MGRN1: variants seen among roughly 807,000 people sequenced by gnomAD.
MGRN1 encodes the protein E3 ubiquitin-protein ligase MGRN1.
Under a neutral mutation model 69.2 loss-of-function variants are expected in MGRN1, and 29 were observed. That is an observed-to-expected ratio of 0.42 (90% confidence interval 0.31 to 0.57). The LOEUF (loss-of-function observed/expected upper bound fraction) is 0.57, where lower values mean the gene tolerates loss of function less well. Among genes scored for constraint, MGRN1 ranks in the 20% least tolerant of loss-of-function variants. The pLI is 0.15. For missense variants in MGRN1, 998 were observed against 796.2 expected, an observed-to-expected ratio of 1.25 and a Z score of -3.05; for synonymous variants, 470 against 344.2, an observed-to-expected ratio of 1.37 and a Z score of -4.04.
chr16:4,682,716 C>G (rs895525069), intron 13 of MGRN1, 107 bp from the exon 14 acceptor site: 2 of 1,304,494 alleles, frequency 1.5e-6, no homozygotes, highest in Admixed American at 5.6e-5. Flanking sequence ...TGCGTGGGTC[C>G]TGGCAGGCGT....
intron 1 of MGRN1, among the ~76,000 whole-genome samples, chr16:4,632,465 C>G (rs147469348): frequency 1.3e-5 from 2 of 152,024 alleles, no homozygotes; most frequent in African/African-American, 4.8e-5. Flanking sequence ...GCAATCTCTG[C>G]TCACTGCAAG....
intron 16 of MGRN1, chr16:4,686,544 G>A: frequency 7.4e-7 from 1 of 1,356,016 alleles, no homozygotes; most frequent in Non-Finnish European, 9.5e-7. Context: ...TCTGGACTAG[G>A]CGGCCGGTCA....
At chr16:4,665,977 C>G (rs2078795027) in intron 7 of MGRN1, among the ~76,000 whole-genome samples, 1 of 151,864 alleles carries the variant, frequency 6.6e-6, no homozygotes, top group Non-Finnish European at 1.5e-5. Context: ...CTACAGATGC[C>G]CGCCACCATG....
At chr16:4,687,536 C>A in intron 16 of MGRN1, 4 of 979,322 alleles carry the variant, frequency 4.1e-6, no homozygotes, top group Non-Finnish European at 4.8e-6. Context: ...ACACACCCAC[C>A]CACCCACTCC....
intron 9 of MGRN1, chr16:4,672,540 CA>C (rs767636266): frequency 1.1e-5 from 5 of 441,566 alleles, no homozygotes; most frequent in African/African-American, 4.0e-5. Flanking sequence ...TGTTTCATAC[CA>C]GGGGGCGGCC....
intron 1 of MGRN1, among the ~76,000 whole-genome samples, chr16:4,645,929 C>G (rs1019866761): frequency 6.6e-6 from 1 of 152,172 alleles, no homozygotes; most frequent in African/African-American, 2.4e-5. Flanking sequence ...CTAACCAGTG[C>G]TGTGGTTGTA....
Position 4,664,727 on chromosome 16 carries a change from C to G in MGRN1, c.580C>G (p.Arg194Gly), listed in dbSNP as rs762380681. 8.7e-6 allele frequency: 14 copies of G among 1,614,066 alleles called. No individual in the cohort carries two copies. In the South Asian group the frequency reaches 1.5e-4, roughly 18 times the overall value. ...KDDELNFDLD[R>G]GVFPVVIQAV... ...TCCTCAGCTGAACTTTGACCTGGACCGGGGCGTGTTTCCAGTAGTCATCCA... is the reference window on the plus strand; with the variant it reads ...TCCTCAGCTGAACTTTGACCTGGACGGGGGCGTGTTTCCAGTAGTCATCCA... The change falls in exon 6 of 17, where the codon CGG (arginine) becomes GGG (glycine). Residue 194 changes from arginine to glycine, a missense_variant. Coordinates refer to ENST00000262370, the MANE Select transcript of MGRN1 (RefSeq NM_015246.4).
At chr16:4,671,283 C>T in intron 8 of MGRN1, 108 bp from the exon 9 acceptor site, 1 of 1,071,012 alleles carries the variant, frequency 9.3e-7, no homozygotes, top group Non-Finnish European at 1.4e-6. Context: ...GGACTGACCC[C>T]TGGTATGGAA....
chr16:4,668,227 C>G (rs765962004), intron 7 of MGRN1, 38 bp from the exon 8 acceptor site: 2 of 1,605,494 alleles, frequency 1.2e-6, no homozygotes, highest in Admixed American at 1.7e-5. Flanking sequence ...GAGGCGCCAG[C>G]TTGACCACCT....
intron 5 of MGRN1, chr16:4,664,241 T>C: frequency 4.6e-6 from 1 of 217,448 alleles, no homozygotes; most frequent in Non-Finnish European, 9.3e-6. Flanking sequence ...GGGTGAACTT[T>C]GGAAACATAC....
chr16:4,625,855 G>T (rs1194673239), intron 1 of MGRN1, among the ~76,000 whole-genome samples: 6 of 152,228 alleles, frequency 3.9e-5, no homozygotes, highest in African/African-American at 7.2e-5. Context: ...GGAAAGGAGA[G>T]AAGGAAGAGG....
At chr16:4,657,901 C>T (rs1258728685) in intron 5 of MGRN1, among the ~76,000 whole-genome samples, 4 of 151,784 alleles carry the variant, frequency 2.6e-5, no homozygotes, top group African/African-American at 9.7e-5. Context: ...TGCCACCACG[C>T]CCGGCTAATT....
chr16:4,662,319 A>C (rs2078701383), intron 5 of MGRN1, among the ~76,000 whole-genome samples: 1 of 152,094 alleles, frequency 6.6e-6, no homozygotes. Context: ...GTTCGAGACC[A>C]GCTTGGCCAA....
chr16:4,625,958 C>T (rs1659486), intron 1 of MGRN1, among the ~76,000 whole-genome samples: 136,481 of 152,228 alleles, frequency 0.9, 63,078 homozygotes, highest in East Asian at 1. Flanking sequence ...TGGGTGTCTC[C>T]GGACACCCAC....
At chr16:4,625,572 A>G (rs1005148816) in intron 1 of MGRN1, among the ~76,000 whole-genome samples, 2 of 152,132 alleles carry the variant, frequency 1.3e-5, no homozygotes, top group African/African-American at 2.4e-5. Context: ...GGAGACGATT[A>G]TAGTTGATCG....
In MGRN1 at chr16:4,648,232, C is replaced by T. The variant is rs187108406; in HGVS notation, c.89-2133C>T. On this transcript the variant is annotated intron_variant, in intron 1 of 16. Transcript: ENST00000262370. ...CCTGCAGCTACCCGGGTCCTCCCCT[C>T]GGAGACTCTTCCCGTGGTCACCCGG... is the stretch of plus-strand genomic sequence containing the variant. Among the ~76,000 whole-genome samples the T allele has an allele frequency of 2.9e-4, 44 of 152,188 alleles. 1 individual carries two copies. Among genetic ancestry groups the T allele is most frequent in the African/African-American group, 8.4e-4 (35 of 41,514 alleles).
At chr16:4,668,522 AACAC>A (rs770069149) in intron 8 of MGRN1, among the ~76,000 whole-genome samples, 3 of 151,630 alleles carry the variant, frequency 2.0e-5, no homozygotes, top group Non-Finnish European at 2.9e-5. Context: ...TAGACACATA[AACAC>A]ACAGACACAC....
chr16:4,665,008 C>T (rs1324091497), intron 6 of MGRN1, 94 bp from the exon 7 acceptor site: 1 of 1,446,904 alleles, frequency 6.9e-7, no homozygotes, highest in Admixed American at 1.7e-5. Context: ...CAGGCTGAGC[C>T]CTCGGTGCCG....
chr16:4,657,514 G>A lies in MGRN1; in HGVS notation c.561+151G>A, dbSNP rs571725210. On this transcript the variant is annotated intron_variant, in intron 5 of 16. Transcript: ENST00000262370. ...CGCCCCAGTCTGTGCTCAGGTGGAC[G>A]TGTGGATGGGCGGGAGCAAGGCCTG... is the stretch of plus-strand genomic sequence containing the variant. The A allele has an allele frequency of 7.3e-5, 56 of 769,792 alleles. No homozygotes were observed. Among genetic ancestry groups the A allele is most frequent in the African/African-American group, 4.3e-4 (25 of 58,386 alleles). 47.7% of individuals were successfully genotyped at this position (769,792 alleles called of 1,614,324 possible).
Sources: gnomAD v4.1 joint callset for allele counts (sites outside exome capture counted in the v4.1 genomes callset) on GRCh38, gnomAD v4.1.1 for gene constraint, MANE v1.5 for transcripts, NCBI Gene and HGNC (gene_info 2026-07-23, HGNC 2026-07-21) for gene names.